BSND: variants seen among roughly 807,000 people sequenced by gnomAD.
The protein encoded by BSND is barttin.
A neutral mutation model predicts 18.8 loss-of-function variants in BSND; 13 were observed. That is an observed-to-expected ratio of 0.69 (90% CI 0.45 to 1.10). BSND has a LOEUF of 1.10. BSND is among the 50% of genes least tolerant of loss of function. The probability of loss-of-function intolerance (pLI) is 0.00; values close to 1 mark genes in which losing one functional copy is unlikely to be tolerated. For missense variants in BSND, 379 were observed against 416.7 expected, an observed-to-expected ratio of 0.91 and a Z score of 0.79; for synonymous variants, 170 against 161.8, an observed-to-expected ratio of 1.05 and a Z score of -0.39.
At position 54,999,251 on chromosome 1, in the gene BSND, G is replaced by A. The variant is rs564571762; in HGVS notation, c.65G>A (p.Gly22Asp). ...CTGGGGCTTTTCCTGCTGGCCCTCGGTACGTTCCTCATGAGCCATGATCGG... is the reference window on the plus strand; with the variant it reads ...CTGGGGCTTTTCCTGCTGGCCCTCGATACGTTCCTCATGAGCCATGATCGG... ...IVLGLFLLAL[G>D]TFLMSHDRPQ... Residue 22 changes from glycine to aspartate, a missense_variant, in exon 1 of 4, where the codon GGT becomes GAT. Physicochemically the swap from Gly to Asp is moderately conservative, Grantham distance 94. Coordinates refer to ENST00000651561, the MANE Select transcript of BSND (RefSeq NM_057176.3). The A allele has an allele frequency of 6.2e-7, 1 of 1,614,114 alleles. No homozygotes were observed. The highest frequency in any genetic ancestry group is 1.1e-5 in the South Asian group (1 of 91,078).
Position 55,007,058 on chromosome 1 carries a change from C to T in BSND, c.334C>T (p.Pro112Ser). 6.2e-7 allele frequency: 1 copy of T among 1,614,194 alleles called. No homozygotes were observed. ...GGAAGCCGCCTATGACCAGAGCCTGCCTGACTTCAGCCACATCCAGATGAA... is the reference window on the plus strand; with the variant it reads ...GGAAGCCGCCTATGACCAGAGCCTGTCTGACTTCAGCCACATCCAGATGAA... ...WEEAAYDQSL[P>S]DFSHIQMKVM... The change falls in exon 3 of 4, where the codon CCT (proline) becomes TCT (serine). Residue 112 changes from proline to serine, a missense_variant. Coordinates refer to ENST00000651561, the MANE Select transcript of BSND (RefSeq NM_057176.3).
chr1:54,999,362 A>T lies in BSND; in HGVS notation c.176A>T (p.Lys59Met). 1 of 1,607,172 alleles carries T rather than the reference A, an allele frequency of 6.2e-7. No individual in the cohort carries two copies. Among genetic ancestry groups the T allele is most frequent in the Non-Finnish European group, 8.5e-7 (1 of 1,174,702 alleles). Residue 59 changes from lysine to methionine, a missense_variant and splice_region_variant, in exon 1 of 4, where the codon AAG (lysine) becomes ATG (methionine). Transcript: ENST00000651561. ...TGGAGCATGTGCCAGTGCTACCCCAAGGTAGGTGGTAGTGGGGCTGGGTGG... is the reference window on the plus strand; with the variant it reads ...TGGAGCATGTGCCAGTGCTACCCCATGGTAGGTGGTAGTGGGGCTGGGTGG... ...IIWSMCQCYP[K>M]ITFVPADSDF...
chr1:55,001,838 A>G (rs1428252669), intron 1 of BSND, among the ~76,000 whole-genome samples: 1 of 152,176 alleles, frequency 6.6e-6, no homozygotes, highest in African/African-American at 2.4e-5. Context: ...GAAGAGTAGC[A>G]TGATCAAAGC....
chr1:55,015,371 C>T lies in BSND; in HGVS notation c.*6743C>T, dbSNP rs553425047. ...CCCTGTGGCAGAGGCTGTTGCTTCC[C>T]GCCAAGACACCAGGGCCCTGGCCAA... is the stretch of plus-strand genomic sequence containing the variant. On this transcript the variant is annotated 3_prime_UTR_variant, in exon 4 of 4. Coordinates refer to ENST00000651561, the MANE Select transcript of BSND (RefSeq NM_057176.3). Among the ~76,000 whole-genome samples, 213 of 152,310 alleles carry T rather than the reference C, an allele frequency of 1.4e-3. No homozygotes were observed. Among genetic ancestry groups the T allele is most frequent in the Non-Finnish European group, 2.8e-3 (192 of 68,032 alleles).
intron 1 of BSND, among the ~76,000 whole-genome samples, chr1:55,003,175 T>G (rs1644370340): frequency 6.6e-6 from 1 of 151,584 alleles, no homozygotes; most frequent in Non-Finnish European, 1.5e-5. Flanking sequence ...CAAAGCATCC[T>G]TAACGGGGGT....
chr1:55,010,847 A>C lies in BSND; in HGVS notation c.*2219A>C, dbSNP rs1228684057. ...AACCCACGTTAGAAACAGCGTCAGC[A>C]CTAAGGGCTAAAATAAAACTACTTT... On this transcript the variant is annotated 3_prime_UTR_variant, in exon 4 of 4. Transcript: ENST00000651561. The C allele has an allele frequency of 6.6e-6, 1 of 152,242 alleles. No homozygotes were observed. The highest frequency in any genetic ancestry group is 1.5e-5 in the Non-Finnish European group (1 of 68,054). 9.4% of individuals were successfully genotyped at this position (152,242 alleles called of 1,614,324 possible).
chr1:55,016,233 G>GGA lies in BSND; in HGVS notation c.*7616_*7617dup, dbSNP rs111754121. On this transcript the variant is annotated 3_prime_UTR_variant, in exon 4 of 4. Coordinates refer to ENST00000651561, the MANE Select transcript of BSND (RefSeq NM_057176.3). ...TCCTAACGGAGAGAGAGAGACAGAT[G>GGA]GAGAGAGAGAGACAGAGAGAGAGAA... is the stretch of plus-strand genomic sequence containing the variant. Among the ~76,000 whole-genome samples, 17 of 152,140 alleles carry GGA rather than the reference G, an allele frequency of 1.1e-4. 2 individuals are homozygous for GGA. The highest frequency in any genetic ancestry group is 3.6e-4 in the African/African-American group (15 of 41,496).
intron 2 of BSND, among the ~76,000 whole-genome samples, chr1:55,006,460 G>T (rs891078601): frequency 6.6e-6 from 1 of 152,170 alleles, no homozygotes; most frequent in Non-Finnish European, 1.5e-5. Flanking sequence ...GTCTGTTAGA[G>T]ACTCTGTGCC....
rs926672790 is a variant in BSND, at chr1:55,012,073, G to A, written c.*3445G>A. The stretch of plus-strand genomic sequence containing the variant: ...GTTTCCACCCTCTGGAGAGGGAAAG[G>A]CCCTGGAGGGATGGCCCCTGCCCTT... On this transcript the variant is annotated 3_prime_UTR_variant, in exon 4 of 4. Transcript: ENST00000651561. 6.6e-6 allele frequency among the ~76,000 whole-genome samples: 1 copy of A among 152,186 alleles called. No homozygotes were observed. The highest frequency in any genetic ancestry group is 2.4e-5 in the African/African-American group (1 of 41,452).
chr1:55,002,416 CA>C (rs1644365707), intron 1 of BSND, among the ~76,000 whole-genome samples: 1 of 152,220 alleles, frequency 6.6e-6, no homozygotes, highest in South Asian at 2.1e-4. Context: ...TCTGCCCACG[CA>C]TCCCCCATTC....
chr1:55,004,961 G>T, intron 1 of BSND, 61 bp from the exon 2 acceptor site: 1 of 1,516,500 alleles, frequency 6.6e-7, no homozygotes, highest in South Asian at 1.1e-5. Context: ...AATTCCCTGA[G>T]GGGACAGTAG....
intron 1 of BSND, among the ~76,000 whole-genome samples, chr1:55,004,153 A>G (rs909900047): frequency 2.0e-5 from 3 of 152,214 alleles, no homozygotes; most frequent in African/African-American, 7.2e-5. Context: ...ATGTTGTAGC[A>G]TGTGTCAGAA....
chr1:55,011,355 T>C lies in BSND; in HGVS notation c.*2727T>C, dbSNP rs1206523364. On this transcript the variant is annotated 3_prime_UTR_variant, in exon 4 of 4. Transcript: ENST00000651561. Reference sequence around the variant, plus strand: ...GATACCTCATTTGGATGATACAATGTTACCTTACCTACTCTGTGACCTTTG... The same window carrying C: ...GATACCTCATTTGGATGATACAATGCTACCTTACCTACTCTGTGACCTTTG... 6.6e-6 allele frequency: 1 copy of C among 152,254 alleles called. No homozygotes were observed. The allele number at this position is 152,254 out of a possible 1,614,324, so 9.4% of individuals were successfully genotyped here.
Position 55,012,743 on chromosome 1 carries a change from G to A in BSND, c.*4115G>A, listed in dbSNP as rs1478662977. 6.6e-6 allele frequency among the ~76,000 whole-genome samples: 1 copy of A among 152,194 alleles called. No homozygotes were observed. Among genetic ancestry groups the A allele is most frequent in the Non-Finnish European group, 1.5e-5 (1 of 68,026 alleles). On this transcript the variant is annotated 3_prime_UTR_variant, in exon 4 of 4. Transcript: ENST00000651561. ...AAAGAAAGTCTGTGTGCCCAGTGCT[G>A]AGAGGCAGGTGAGCCAACAGCAAGT... is the stretch of plus-strand genomic sequence containing the variant.
intron 2 of BSND, among the ~76,000 whole-genome samples, chr1:55,005,679 G>A (rs1644386058): frequency 6.6e-6 from 1 of 152,244 alleles, no homozygotes; most frequent in Non-Finnish European, 1.5e-5. Context: ...ATGAGTGTTT[G>A]TCATCATTAG....
At chr1:55,002,002 A>G (rs1644363800) in intron 1 of BSND, among the ~76,000 whole-genome samples, 1 of 152,128 alleles carries the variant, frequency 6.6e-6, no homozygotes, top group African/African-American at 2.4e-5. Flanking sequence ...ATGGGACACG[A>G]CCAGCTTTGC....
intron 1 of BSND, among the ~76,000 whole-genome samples, chr1:55,000,174 C>T (rs544215738): frequency 6.6e-6 from 1 of 152,228 alleles, no homozygotes; most frequent in African/African-American, 2.4e-5. Flanking sequence ...ATTTTGTAAA[C>T]TGTAAGGTGT....
intron 2 of BSND, among the ~76,000 whole-genome samples, chr1:55,006,122 G>A (rs1644390526): frequency 6.6e-6 from 1 of 152,214 alleles, no homozygotes; most frequent in African/African-American, 2.4e-5. Context: ...TTTGCTTGGG[G>A]AAGGGGTTCA....
chr1:55,008,385 C>T lies in BSND; in HGVS notation c.720C>T (p.Asp240=), dbSNP rs1644402715. 6.2e-7 allele frequency: 1 copy of T among 1,614,260 alleles called. No homozygotes were observed. Among genetic ancestry groups the T allele is most frequent in the East Asian group, 2.2e-5 (1 of 44,880 alleles). ...GCRCPLDRFQ[D]FALIDAPTLE... ...GGTGCCCGCTGGACCGCTTCCAAGACTTTGCCCTGATTGATGCCCCAACGT... is the reference window on the plus strand; with the variant it reads ...GGTGCCCGCTGGACCGCTTCCAAGATTTTGCCCTGATTGATGCCCCAACGT... Residue 240 remains aspartate (D), a synonymous_variant, in exon 4 of 4, where the codon GAC becomes GAT. Coordinates refer to ENST00000651561, the MANE Select transcript of BSND (RefSeq NM_057176.3).
Sources: gnomAD v4.1 joint callset for allele counts (sites outside exome capture counted in the v4.1 genomes callset) on GRCh38, gnomAD v4.1.1 for gene constraint, MANE v1.5 for transcripts, NCBI Gene and HGNC (gene_info 2026-07-23, HGNC 2026-07-21) for gene names.